PALD1: variants seen among roughly 807,000 people sequenced by gnomAD.
The protein encoded by PALD1 is paladin.
In PALD1, 57 loss-of-function variants were observed where a neutral mutation model predicts 96.0. That is an observed-to-expected ratio of 0.59 (90% CI 0.48 to 0.74). PALD1 has a LOEUF of 0.74. PALD1 is among the 30% of genes least tolerant of loss of function. The pLI is 0.00. For missense variants in PALD1, 1,063 were observed against 1,143.7 expected (o/e 0.93, Z 1.02); for synonymous variants, 464 against 473.6 (o/e 0.98, Z 0.26).
intron 18 of PALD1, among the ~76,000 whole-genome samples, chr10:70,561,519 G>A (rs565137611): frequency 1.3e-5 from 2 of 152,280 alleles, no homozygotes; most frequent in South Asian, 4.1e-4. Context: ...TGTATTGGCT[G>A]CGGTTTATAT....
chr10:70,525,094 C>T (rs1053230335), intron 1 of PALD1, among the ~76,000 whole-genome samples: 7 of 152,042 alleles, frequency 4.6e-5, no homozygotes, highest in African/African-American at 1.2e-4. Context: ...CTTTACTTCC[C>T]GGGTTCAAGC....
In PALD1 at chr10:70,508,809, G is replaced by GTGTGTGTA. The variant is rs1554855631; in HGVS notation, c.-29-17107_-29-17106insATGTGTGT. 4.8e-4 allele frequency among the ~76,000 whole-genome samples: 55 copies of GTGTGTGTA among 113,826 alleles called. 3 individuals are homozygous for GTGTGTGTA. The highest frequency in any genetic ancestry group is 1.4e-3 in the African/African-American group (44 of 30,750). The allele number at this position is 113,826 out of a possible 152,430, so 74.7% of individuals were successfully genotyped here. Reference sequence around the variant, plus strand: ...CGTGTGTGTGTGTGTGTGTGTGTGTGTGTGTGTGTGCAGGCCTGTGGGAGC... The same window carrying GTGTGTGTA: ...CGTGTGTGTGTGTGTGTGTGTGTGTGTGTGTGTATGTGTGTGTGCAGGCCTGTGGGAGC... On this transcript the variant is annotated intron_variant, in intron 1 of 19. Coordinates refer to ENST00000263563, the MANE Select transcript of PALD1 (RefSeq NM_014431.3).
At chr10:70,518,002 C>A (rs1302094383) in intron 1 of PALD1, among the ~76,000 whole-genome samples, 1 of 152,142 alleles carries the variant, frequency 6.6e-6, no homozygotes, top group Admixed American at 6.5e-5. Flanking sequence ...CTCCCAGGTT[C>A]AAGCAATTCT....
At chr10:70,547,470 C>G (rs1847392546) in intron 18 of PALD1, 24 bp downstream of exon 18, 1 of 1,482,918 alleles carries the variant, frequency 6.7e-7, no homozygotes. Flanking sequence ...CCACCCCACC[C>G]CACCCTGCCC....
chr10:70,461,405 C>G, the PALD1 span, among the ~76,000 whole-genome samples: 1 of 152,252 alleles, frequency 6.6e-6, no homozygotes, highest in Non-Finnish European at 1.5e-5. Context: ...GTCTGCCACC[C>G]CCACCAGATG....
rs117540587 is a variant in PALD1, at chr10:70,533,340, G to T, written c.870+270G>T. Among the ~76,000 whole-genome samples the T allele has an allele frequency of 6.3e-4, 96 of 151,934 alleles. No homozygotes were observed. The East Asian group carries it at 9.9e-3, about 16-fold the overall frequency. On this transcript the variant is annotated intron_variant, in intron 7 of 19. Transcript: ENST00000263563. Reference sequence around the variant, plus strand: ...GTTCCTGTCTGTGTGTCTCTGTGTGGGGATACATGTGTTTCTGTGTGTGTA... The same window carrying T: ...GTTCCTGTCTGTGTGTCTCTGTGTGTGGATACATGTGTTTCTGTGTGTGTA...
intron 18 of PALD1, among the ~76,000 whole-genome samples, chr10:70,551,255 C>G (rs1335345973): frequency 6.6e-6 from 1 of 152,206 alleles, no homozygotes; most frequent in East Asian, 1.9e-4. Flanking sequence ...CTGGGTCTCA[C>G]CTGTGGTATC....
chr10:70,566,671 C>T lies in PALD1; in HGVS notation c.2509C>T (p.Arg837Cys), dbSNP rs148532328. The change falls in exon 20 of 20, where the codon CGC becomes TGC. Residue 837 changes from arginine (R) to cysteine (C), a missense_variant. Physicochemically the swap from Arg to Cys is radical, Grantham distance 180. Coordinates refer to ENST00000263563, the MANE Select transcript of PALD1 (RefSeq NM_014431.3). The part of the protein sequence containing the change: ...SGEDQPFSRL[R>C]YRWQEQSCSL... ...GGAGGACCAGCCCTTCTCCAGGCTG[C>T]GCTACCGGTGGCAGGAGCAGAGCTG... 3.8e-5 allele frequency: 61 copies of T among 1,608,534 alleles called. No homozygotes were observed. Among genetic ancestry groups the T allele is most frequent in the Middle Eastern group, 1.6e-4 (1 of 6,064 alleles).
At chr10:70,522,413 C>T (rs912835557) in intron 1 of PALD1, among the ~76,000 whole-genome samples, 3 of 152,158 alleles carry the variant, frequency 2.0e-5, no homozygotes, top group African/African-American at 2.4e-5. Context: ...TGGCCAGGTG[C>T]GTCAGCCCAG....
rs1263506324 is a variant in PALD1 at position 70,532,648 on chromosome 10, A to C, written c.661A>C (p.Asn221His). 4.3e-6 allele frequency: 7 copies of C among 1,613,982 alleles called. No homozygotes were observed. Residue 221 changes from asparagine to histidine, a missense_variant, in exon 6 of 20, where the codon AAC becomes CAC. Coordinates refer to ENST00000263563, the MANE Select transcript of PALD1 (RefSeq NM_014431.3). ...CCACGACTTTGCCCAGCTGAGCGAG[A>C]ACACATACCATGTGTACCATAACAC... is the stretch of plus-strand genomic sequence containing the variant. ...EIHDFAQLSENTYHVYHNTED... is the reference protein window; with the variant it reads ...EIHDFAQLSEHTYHVYHNTED...
intron 1 of PALD1, among the ~76,000 whole-genome samples, chr10:70,488,311 G>A (rs866660150): frequency 6.6e-6 from 1 of 151,890 alleles, no homozygotes; most frequent in Non-Finnish European, 1.5e-5. Context: ...AGTAGAGACG[G>A]GGTTTTGCCC....
rs775967983 is a variant in PALD1 at position 70,533,069 on chromosome 10, G to A, written c.869G>A (p.Arg290Gln). 104 of 1,576,054 alleles carry A rather than the reference G, an allele frequency of 6.6e-5. No homozygotes were observed. The Middle Eastern group carries it at 8.3e-4, about 13-fold the overall frequency. The change falls in exon 7 of 20, where the codon CGG (arginine) becomes CAG (glutamine). Residue 290 changes from arginine to glutamine, a missense_variant and splice_region_variant. Transcript: ENST00000263563. ...TTGGACGCCTTTGTCAGTGTTCTCCGGGTAACTGGGGCACGGGCGCGCATG... is the reference window on the plus strand; with the variant it reads ...TTGGACGCCTTTGTCAGTGTTCTCCAGGTAACTGGGGCACGGGCGCGCATG... The part of the protein sequence containing the change: ...AQLDAFVSVL[R>Q]ETPSLLQLRD...
chr10:70,534,123 G>A lies in PALD1; in HGVS notation c.1022+50G>A, dbSNP rs1258902532. 13 of 1,494,658 alleles carry A rather than the reference G, an allele frequency of 8.7e-6. No homozygotes were observed. In the East Asian group the frequency reaches 2.7e-4, roughly 31 times the overall value. 92.6% of individuals were successfully genotyped at this position (1,494,658 alleles called of 1,614,324 possible). On this transcript the variant is annotated intron_variant, in intron 8 of 19. Coordinates refer to ENST00000263563, the MANE Select transcript of PALD1 (RefSeq NM_014431.3). ...CTGAAGGGCTGTGGGGCCGAGGAGG[G>A]GACAGGCTGCCCCACAGTGTGGGGA...
At chr10:70,507,487 C>T (rs369001383) in intron 1 of PALD1, among the ~76,000 whole-genome samples, 15 of 152,152 alleles carry the variant, frequency 9.9e-5, no homozygotes, top group African/African-American at 3.1e-4. Flanking sequence ...TGCAGTGGTG[C>T]GATCACAGCT....
intron 18 of PALD1, among the ~76,000 whole-genome samples, chr10:70,557,766 C>T (rs994192296): frequency 1.1e-4 from 16 of 152,052 alleles, no homozygotes; most frequent in African/African-American, 2.2e-4. Flanking sequence ...TGCCTCCCCA[C>T]CTCAGCTGGA....
chr10:70,560,568 C>T (rs1313290903), intron 18 of PALD1, among the ~76,000 whole-genome samples: 3 of 151,948 alleles, frequency 2.0e-5, no homozygotes, highest in Admixed American at 6.6e-5. Context: ...GCGCTCGGCC[C>T]GCAGGTGGCA....
At chr10:70,546,876 A>C (rs1302745470) in intron 17 of PALD1, among the ~76,000 whole-genome samples, 1 of 152,150 alleles carries the variant, frequency 6.6e-6, no homozygotes, top group Non-Finnish European at 1.5e-5. Flanking sequence ...ACCTGAATCC[A>C]GGAAGTTGAG....
chr10:70,530,173 G>A, intron 4 of PALD1, 105 bp downstream of exon 4: 1 of 946,120 alleles, frequency 1.1e-6, no homozygotes, highest in Non-Finnish European at 1.5e-6. Flanking sequence ...CTGCATGCTG[G>A]AGAGGTGGGG....
intron 1 of PALD1, among the ~76,000 whole-genome samples, chr10:70,486,480 G>C (rs575146368): frequency 6.6e-6 from 1 of 152,290 alleles, no homozygotes; most frequent in African/African-American, 2.4e-5. Context: ...TCATTAGCCA[G>C]TTGGGCACTG....
Sources: gnomAD v4.1 joint callset for allele counts (sites outside exome capture counted in the v4.1 genomes callset) on GRCh38, gnomAD v4.1.1 for gene constraint, MANE v1.5 for transcripts, NCBI Gene and HGNC (gene_info 2026-07-23, HGNC 2026-07-21) for gene names.